The following ADGRL1 variants were observed in gnomAD, a reference collection of about 807,000 sequenced individuals.
ADGRL1 encodes the protein CIRL-1.
Under a neutral mutation model 148.9 loss-of-function variants are expected in ADGRL1, and 31 were observed. The ratio of observed to expected loss-of-function variants is 0.21; its 90% confidence interval spans 0.16 to 0.28. The LOEUF (loss-of-function observed/expected upper bound fraction) is 0.28. ADGRL1 is among the 10% of genes least tolerant of loss of function. The pLI, the probability that ADGRL1 is intolerant of heterozygous loss-of-function variation, is 1.00. For missense variants in ADGRL1, 1,521 were observed against 2,058.8 expected, an observed-to-expected ratio of 0.74 and a Z score of 5.05; for synonymous variants, 937 against 900.3, an observed-to-expected ratio of 1.04 and a Z score of -0.73.
In ADGRL1 at chr19:14,152,255, T is replaced by G; in HGVS notation, c.3649+54A>C. The G allele has an allele frequency of 1.2e-6, 2 of 1,612,704 alleles. No homozygotes were observed. Among genetic ancestry groups the G allele is most frequent in the Non-Finnish European group, 1.7e-6 (2 of 1,179,000 alleles). ...ACAGAACATCCCATGCAGAGGTCCC[T>G]TGGGACACAAACCCTCCATTTCCCA... is the stretch of plus-strand genomic sequence containing the variant. On this transcript the variant is annotated intron_variant, in intron 21 of 22. Coordinates refer to ENST00000361434, the MANE Select transcript of ADGRL1 (RefSeq NM_014921.5). The surrounding 1 kb of genome is among the most constrained non-coding windows in gnomAD (Gnocchi z 6.1).
intron 4 of ADGRL1, among the ~76,000 whole-genome samples, chr19:14,165,249 T>G (rs565292813): frequency 6.6e-6 from 1 of 152,276 alleles, no homozygotes; most frequent in South Asian, 2.1e-4. Flanking sequence ...AAAACGACCC[T>G]GGCTTGGGCC....
chr19:14,182,269 G>A (rs1210854590), intron 2 of ADGRL1, among the ~76,000 whole-genome samples: 2 of 152,210 alleles, frequency 1.3e-5, no homozygotes, highest in Non-Finnish European at 2.9e-5. Context: ...TATTAAGGCG[G>A]TTTGTCTGCA....
intron 3 of ADGRL1, among the ~76,000 whole-genome samples, chr19:14,171,605 T>A (rs1970477244): frequency 6.6e-6 from 1 of 152,234 alleles, no homozygotes; most frequent in Non-Finnish European, 1.5e-5. Context: ...CTCTGCAAAC[T>A]TACGATCAAT....
chr19:14,156,257 A>C, intron 16 of ADGRL1, 56 bp from the exon 17 acceptor site: 6 of 1,336,330 alleles, frequency 4.5e-6, no homozygotes, highest in Non-Finnish European at 6.4e-6. Context: ...TCCCTCAGTG[A>C]GCACTGAGGC....
At chr19:14,178,434 G>A (rs1287074902) in intron 2 of ADGRL1, among the ~76,000 whole-genome samples, 4 of 152,030 alleles carry the variant, frequency 2.6e-5, no homozygotes, top group East Asian at 3.9e-4. Flanking sequence ...CAGCCCAGGA[G>A]GTTGAGGCTC....
In ADGRL1 at chr19:14,162,011, C is replaced by A. The variant is rs1019242204; in HGVS notation, c.1196-385G>T. ...GTGGGGGCTGAATACCACCGCCCCCCATCCTCGTTCTAGCTGACTTTGGCT... is the reference window on the plus strand; with the variant it reads ...GTGGGGGCTGAATACCACCGCCCCCAATCCTCGTTCTAGCTGACTTTGGCT... On this transcript the variant is annotated intron_variant, in intron 5 of 22. Coordinates refer to ENST00000361434, the MANE Select transcript of ADGRL1 (RefSeq NM_014921.5). This position sits in a 1 kb window ranked among gnomAD's most constrained non-coding sequence, Gnocchi z 5.4. Among the ~76,000 whole-genome samples, 7 of 152,178 alleles carry A rather than the reference C, an allele frequency of 4.6e-5. No individual in the cohort carries two copies. Among genetic ancestry groups the A allele is most frequent in the African/African-American group, 1.7e-4 (7 of 41,448 alleles).
chr19:14,184,669 G>A (rs1381511346), intron 1 of ADGRL1, among the ~76,000 whole-genome samples: 6 of 139,172 alleles, frequency 4.3e-5, no homozygotes, highest in African/African-American at 1.4e-4. Context: ...AGACGGAGTC[G>A]TGCTCTGTCC....
chr19:14,154,225 G>A (rs1024699637), intron 18 of ADGRL1, among the ~76,000 whole-genome samples: 2 of 152,096 alleles, frequency 1.3e-5, no homozygotes, highest in African/African-American at 4.8e-5. Context: ...ACAGAGCAGG[G>A]ACACAGGCCA....
intron 1 of ADGRL1, among the ~76,000 whole-genome samples, chr19:14,188,770 A>C (rs1356371240): frequency 6.6e-5 from 10 of 151,268 alleles, no homozygotes; most frequent in Admixed American, 5.3e-4. Flanking sequence ...CAGAGGCACC[A>C]CCTCCTTTTT....
chr19:14,173,388 A>T (rs1970608813), intron 3 of ADGRL1, among the ~76,000 whole-genome samples: 1 of 152,114 alleles, frequency 6.6e-6, no homozygotes, highest in Non-Finnish European at 1.5e-5. Context: ...GAGCCACCGC[A>T]TCTAGCTGTG....
Position 14,152,098 on chromosome 19 carries a change from C to T in ADGRL1, c.3667+35G>A, listed in dbSNP as rs1483713075. 3 of 1,598,530 alleles carry T rather than the reference C, an allele frequency of 1.9e-6. No homozygotes were observed. In the East Asian group the frequency reaches 6.7e-5, roughly 36 times the overall value. On this transcript the variant is annotated intron_variant, in intron 22 of 22. Coordinates refer to ENST00000361434, the MANE Select transcript of ADGRL1 (RefSeq NM_014921.5). This position sits in a 1 kb window ranked among gnomAD's most constrained non-coding sequence, Gnocchi z 6.1. ...AGGCCACTGTCTGTCCCTCTCCCAGCCTCAGAAACATCCCCAGGGAAGAGT... is the reference window on the plus strand; with the variant it reads ...AGGCCACTGTCTGTCCCTCTCCCAGTCTCAGAAACATCCCCAGGGAAGAGT...
chr19:14,201,329 G>GA (rs1001644910), intron 1 of ADGRL1, among the ~76,000 whole-genome samples: 2 of 142,428 alleles, frequency 1.4e-5, no homozygotes, highest in Non-Finnish European at 3.1e-5. Context: ...GGGTGGGGGG[G>GA]GGCAAGGTTA....
rs1224284911 is a variant in ADGRL1 at position 14,157,967 on chromosome 19, C to T, written c.2450G>A (p.Arg817His). The part of the protein sequence containing the change: ...MLGYWSTQGC[R>H]LVESNKTHTT... ...ATGGGTCTTGTTGGACTCCACCAGG[C>T]GGCAGCCTTGGGTCGACCAGTAGCC... Residue 817 changes from arginine (R) to histidine (H), a missense_variant, in exon 13 of 23, where the codon CGC becomes CAC. Physicochemically the swap from Arg to His is conservative, Grantham distance 29. Coordinates refer to ENST00000361434, the MANE Select transcript of ADGRL1 (RefSeq NM_014921.5). This position sits in a 1 kb window ranked among gnomAD's most constrained non-coding sequence, Gnocchi z 7.5. 2 of 1,614,198 alleles carry T rather than the reference C, an allele frequency of 1.2e-6. No homozygotes were observed. Among genetic ancestry groups the T allele is most frequent in the South Asian group, 1.1e-5 (1 of 91,084 alleles).
At chr19:14,158,619 G>T in intron 11 of ADGRL1, 67 bp from the exon 12 acceptor site, 1 of 1,345,320 alleles carries the variant, frequency 7.4e-7, no homozygotes, top group Non-Finnish European at 1.0e-6. Context: ...CCAGGCCCCT[G>T]GCTTCCCAGC....
chr19:14,193,623 A>G (rs1259400039), intron 1 of ADGRL1, among the ~76,000 whole-genome samples: 1 of 152,152 alleles, frequency 6.6e-6, no homozygotes, highest in Non-Finnish European at 1.5e-5. Flanking sequence ...CCAACTCCTG[A>G]TAACTCAAAT....
rs902254748 is a variant in ADGRL1 at position 14,203,706 on chromosome 19, C to G, written c.-96+2279G>C. 6.2e-4 allele frequency among the ~76,000 whole-genome samples: 95 copies of G among 152,296 alleles called. 3 individuals are homozygous for G. In the Middle Eastern group the frequency reaches 0.014, roughly 22 times the overall value. ...GGCTTCGAGTCCCCCCCTTCCACCC[C>G]CTCCCTGCAGGCTCCACAGCCCAGG... On this transcript the variant is annotated intron_variant, in intron 1 of 22. Transcript: ENST00000361434.
chr19:14,151,279 A>G lies in ADGRL1; in HGVS notation c.4004T>C (p.Leu1335Pro). 1 of 1,611,640 alleles carries G rather than the reference A, an allele frequency of 6.2e-7. No homozygotes were observed. Among genetic ancestry groups the G allele is most frequent in the Non-Finnish European group, 8.5e-7 (1 of 1,179,542 alleles). ...RAEIELLYKA[L>P]EEPLLLPRAQ... The stretch of plus-strand genomic sequence containing the variant: ...CCGGGGCAGCAGCAGAGGCTCCTCC[A>G]GGGCCTTATAGAGAAGTTCAATCTC... Residue 1335 changes from leucine to proline, a missense_variant, in exon 23 of 23, where the codon CTG becomes CCG. Coordinates refer to ENST00000361434, the MANE Select transcript of ADGRL1 (RefSeq NM_014921.5).
intron 3 of ADGRL1, 167 bp from the exon 4 acceptor site, chr19:14,170,958 C>G: frequency 1.8e-6 from 1 of 570,878 alleles, no homozygotes; most frequent in East Asian, 3.0e-5. Context: ...ACCCAAATCT[C>G]ATGTTGAATT....
At chr19:14,165,726 G>T (rs1220553724) in intron 4 of ADGRL1, among the ~76,000 whole-genome samples, 8 of 151,684 alleles carry the variant, frequency 5.3e-5, no homozygotes, top group African/African-American at 1.9e-4. Flanking sequence ...TGTGGTGAGG[G>T]GGCGGACCTG....
Sources: allele counts gnomAD v4.1 joint callset (sites outside exome capture counted in the v4.1 genomes callset), GRCh38; gene constraint gnomAD v4.1.1; non-coding constraint Gnocchi (gnomAD v3.1); transcripts MANE v1.5; gene names NCBI Gene and HGNC (gene_info 2026-07-23, HGNC 2026-07-21).